The following AOPEP variants were observed in gnomAD, a reference collection of about 807,000 sequenced individuals.
AOPEP encodes aminopeptidase O.
Under a neutral mutation model 98.1 loss-of-function variants are expected in AOPEP, and 77 were observed. The observed-to-expected ratio is 0.78, with a 90% CI of 0.65 to 0.95. The LOEUF (loss-of-function observed/expected upper bound fraction) is 0.95, where lower values mean the gene tolerates loss of function less well. Ranked by LOEUF, AOPEP falls within the 40% of genes least tolerant of loss-of-function variation. The pLI, the probability that AOPEP is intolerant of heterozygous loss-of-function variation, is 0.00. For synonymous variants in AOPEP, 346 were observed against 365.3 expected (o/e 0.95, Z 0.60); for missense variants, 1,024 against 1,024.7 (o/e 1.00, Z 0.01).
intron 1 of AOPEP, among the ~76,000 whole-genome samples, chr9:94,748,532 T>C (rs1835018392): frequency 6.6e-6 from 1 of 152,230 alleles, no homozygotes; most frequent in Non-Finnish European, 1.5e-5. Flanking sequence ...GTTCTTATAA[T>C]CATGGTATAT....
intron 9 of AOPEP, among the ~76,000 whole-genome samples, chr9:94,962,941 T>A (rs1038170526): frequency 2.6e-5 from 4 of 152,070 alleles, no homozygotes; most frequent in Non-Finnish European, 5.9e-5. Context: ...AAATGGGGTT[T>A]CACCGTGTTA....
rs2061890557 is a variant in AOPEP, at chr9:95,005,149, C to A, written c.1978-9C>A. 2.6e-6 allele frequency: 3 copies of A among 1,141,836 alleles called. No individual in the cohort carries two copies. Among genetic ancestry groups the A allele is most frequent in the East Asian group, 9.5e-5 (2 of 21,086 alleles). 70.7% of individuals were successfully genotyped at this position (1,141,836 alleles called of 1,614,324 possible). A position where few individuals can be genotyped will look rare whatever the true frequency, so the allele number is the denominator to read the frequency against. On this transcript the variant is annotated splice_polypyrimidine_tract_variant and intron_variant, in intron 11 of 16. Coordinates refer to ENST00000375315, the MANE Select transcript of AOPEP (RefSeq NM_001193329.3). ...GCGGTAAACTTGACTGTGTCCTCTT[C>A]CCCCGCAGCCGCTGCAGAGGGAGCG...
At chr9:94,840,093 G>A (rs1385314162) in intron 5 of AOPEP, among the ~76,000 whole-genome samples, 2 of 152,176 alleles carry the variant, frequency 1.3e-5, no homozygotes, top group Non-Finnish European at 2.9e-5. Context: ...TATTGAGAAA[G>A]TGTTTGATCT....
chr9:94,863,203 T>C (rs1016863506), intron 5 of AOPEP, among the ~76,000 whole-genome samples: 8 of 151,936 alleles, frequency 5.3e-5, no homozygotes, highest in African/African-American at 1.9e-4. Context: ...TAGCCTATGA[T>C]TTCTTTCTCT....
intron 5 of AOPEP, among the ~76,000 whole-genome samples, chr9:94,841,195 G>A (rs1374601806): frequency 2.8e-5 from 4 of 142,376 alleles, no homozygotes; most frequent in African/African-American, 7.9e-5. Context: ...TTTTTGAGAC[G>A]GAGTCTCACT....
At chr9:94,979,741 C>T (rs980328505) in intron 11 of AOPEP, among the ~76,000 whole-genome samples, 13 of 150,356 alleles carry the variant, frequency 8.6e-5, no homozygotes, top group African/African-American at 2.8e-4. Context: ...TTCCATGCCC[C>T]GTGGGGCAGG....
At chr9:94,762,782 A>T (rs182220902) in intron 2 of AOPEP, among the ~76,000 whole-genome samples, 1 of 152,350 alleles carries the variant, frequency 6.6e-6, no homozygotes, top group Non-Finnish European at 1.5e-5. Flanking sequence ...GCGCTGCAGA[A>T]TAAATCTTAG....
At position 94,782,019 on chromosome 9, in the gene AOPEP, G is replaced by A. The variant is rs1192277575; in HGVS notation, c.964+8851G>A. Among the ~76,000 whole-genome samples, 13 of 150,972 alleles carry A rather than the reference G, an allele frequency of 8.6e-5. 1 individual carries two copies. Among genetic ancestry groups the A allele is most frequent in the Admixed American group, 7.9e-4 (12 of 15,176 alleles). ...ATCCTGCCTAACACAGTGAAATGCC[G>A]TCTCTACTAAAAATACAAAAAAAAT... On this transcript the variant is annotated intron_variant, in intron 3 of 16. Coordinates refer to ENST00000375315, the MANE Select transcript of AOPEP (RefSeq NM_001193329.3).
At chr9:94,917,474 C>T (rs998799738) in intron 5 of AOPEP, among the ~76,000 whole-genome samples, 1 of 152,154 alleles carries the variant, frequency 6.6e-6, no homozygotes, top group African/African-American at 2.4e-5. Flanking sequence ...TGTTTTGGAG[C>T]CTTTCCCTGG....
intron 13 of AOPEP, among the ~76,000 whole-genome samples, chr9:95,025,341 A>G (rs1033386435): frequency 6.6e-6 from 1 of 152,190 alleles, no homozygotes. Context: ...GTTAACAGAT[A>G]CTGTCAGCCC....
intron 5 of AOPEP, among the ~76,000 whole-genome samples, chr9:94,820,274 C>T (rs1235011821): frequency 6.6e-6 from 1 of 152,046 alleles, no homozygotes; most frequent in East Asian, 1.9e-4. Flanking sequence ...TTTTGTTCCC[C>T]ACCTCTGTTC....
At chr9:94,984,814 A>G (rs551421961) in intron 11 of AOPEP, among the ~76,000 whole-genome samples, 2 of 152,374 alleles carry the variant, frequency 1.3e-5, no homozygotes, top group East Asian at 3.9e-4. Flanking sequence ...CAGAATAGAT[A>G]TGAGTGAAAT....
At chr9:95,020,656 G>A (rs1042498732) in intron 13 of AOPEP, among the ~76,000 whole-genome samples, 12 of 151,254 alleles carry the variant, frequency 7.9e-5, no homozygotes, top group African/African-American at 1.5e-4. Flanking sequence ...GATGGCTCAC[G>A]CCTATAGTTT....
chr9:95,114,787 C>G, the AOPEP span: 11 of 1,250,210 alleles, frequency 8.8e-6, no homozygotes, highest in East Asian at 2.5e-4. Flanking sequence ...CAGGGATGAC[C>G]TGAAGAGTCT....
intron 13 of AOPEP, among the ~76,000 whole-genome samples, chr9:95,014,202 C>T (rs1179968539): frequency 6.6e-6 from 1 of 152,138 alleles, no homozygotes; most frequent in Admixed American, 6.5e-5. Context: ...CATGGTGGCT[C>T]ACGCCTGTAA....
chr9:94,989,370 A>G (rs1047200014), intron 11 of AOPEP, among the ~76,000 whole-genome samples: 4 of 150,990 alleles, frequency 2.6e-5, no homozygotes, highest in African/African-American at 9.7e-5. Context: ...CCAAAGTGCT[A>G]GGATTACAGG....
At chr9:95,092,167 CT>C in the AOPEP span, among the ~76,000 whole-genome samples, 1 of 152,182 alleles carries the variant, frequency 6.6e-6, no homozygotes, top group Non-Finnish European at 1.5e-5. Context: ...ACAGTTCTGT[CT>C]AGTCCCAACA....
chr9:94,954,086 G>A (rs1462919972), intron 7 of AOPEP, among the ~76,000 whole-genome samples: 2 of 152,174 alleles, frequency 1.3e-5, no homozygotes, highest in African/African-American at 2.4e-5. Flanking sequence ...GCTTTGGGAG[G>A]CTGAGGTGGA....
At chr9:94,991,990 G>A (rs780859785) in intron 11 of AOPEP, among the ~76,000 whole-genome samples, 5 of 152,196 alleles carry the variant, frequency 3.3e-5, no homozygotes, top group Non-Finnish European at 5.9e-5. Context: ...ACAAACAAAC[G>A]AATGGGAAAA....
Sources: gnomAD v4.1 joint callset for allele counts (sites outside exome capture counted in the v4.1 genomes callset) on GRCh38, gnomAD v4.1.1 for gene constraint, MANE v1.5 for transcripts, NCBI Gene and HGNC (gene_info 2026-07-23, HGNC 2026-07-21) for gene names.